GTF2H1: variants seen among roughly 807,000 people sequenced by gnomAD.
GTF2H1 encodes general transcription factor IIH subunit 1.
GTF2H1 carries 16 observed loss-of-function variants against 71.2 expected under a neutral mutation model. The observed-to-expected ratio is 0.22, with a 90% CI of 0.15 to 0.34. The LOEUF (loss-of-function observed/expected upper bound fraction) is 0.34, where lower values mean the gene tolerates loss of function less well. GTF2H1 is among the 10% of genes least tolerant of loss of function. The pLI, the probability that GTF2H1 is intolerant of heterozygous loss-of-function variation, is 1.00. For synonymous variants in GTF2H1, 215 were observed against 219.0 expected, an observed-to-expected ratio of 0.98 and a Z score of 0.16; for missense variants, 498 against 648.2, an observed-to-expected ratio of 0.77 and a Z score of 2.52.
In GTF2H1 at chr11:18,365,794, C is replaced by T; in HGVS notation, c.1572C>T (p.His524=). The change falls in exon 15 of 15, where the codon CAC becomes CAT. Residue 524 remains histidine (H), a synonymous_variant. Transcript: ENST00000265963. ...RQYLSTNLVS[H]IEEMLQTAYN... ...GCTGTGTTTTTCAGTTGGTAAGTCA[C>T]ATAGAAGAGATGCTCCAGACAGCCT... 6.2e-7 allele frequency: 1 copy of T among 1,612,550 alleles called. No individual in the cohort carries two copies. Among genetic ancestry groups the T allele is most frequent in the Non-Finnish European group, 8.5e-7 (1 of 1,178,640 alleles).
chr11:18,343,407 A>T (rs1865207779), intron 7 of GTF2H1, among the ~76,000 whole-genome samples: 1 of 152,198 alleles, frequency 6.6e-6, no homozygotes, highest in Non-Finnish European at 1.5e-5. Flanking sequence ...ATCAACATTT[A>T]TATAACCAAT....
rs968079717 is a variant in GTF2H1 at position 18,338,238 on chromosome 11, T to C, written c.477T>C (p.Asn159=). Reference sequence around the variant, plus strand: ...CAACAGATAGTTCTTCCACATCCAATCATAAGCAGGATGTTGGCATTTCTG... The same window carrying C: ...CAACAGATAGTTCTTCCACATCCAACCATAAGCAGGATGTTGGCATTTCTG... ...VNATDSSSTS[N]HKQDVGISAA... is the part of the protein sequence containing the mutation. Residue 159 remains asparagine (N), a synonymous_variant, in exon 4 of 15, where the codon AAT becomes AAC. Coordinates refer to ENST00000265963, the MANE Select transcript of GTF2H1 (RefSeq NM_005316.4). 1 of 1,610,122 alleles carries C rather than the reference T, an allele frequency of 6.2e-7. No individual in the cohort carries two copies. Among genetic ancestry groups the C allele is most frequent in the African/African-American group, 1.3e-5 (1 of 74,858 alleles).
chr11:18,331,535 A>T (rs1864897950), intron 1 of GTF2H1, among the ~76,000 whole-genome samples: 1 of 152,060 alleles, frequency 6.6e-6, no homozygotes, highest in Admixed American at 6.5e-5. Context: ...GCGTGGTGGC[A>T]CATGCCTGTA....
rs746522954 is a variant in GTF2H1 at position 18,360,603 on chromosome 11, C to T, written c.1468-12C>T. On this transcript the variant is annotated splice_polypyrimidine_tract_variant and intron_variant, in intron 13 of 14. Coordinates refer to ENST00000265963, the MANE Select transcript of GTF2H1 (RefSeq NM_005316.4). ...GATTTCTCTGTAATTTATTGTTTCT[C>T]ATCTTTTTTAGGTAGTGAAAATGAA... 1 of 1,299,788 alleles carries T rather than the reference C, an allele frequency of 7.7e-7. No individual in the cohort carries two copies. The highest frequency in any genetic ancestry group is 1.1e-6 in the Non-Finnish European group (1 of 930,916). 80.5% of individuals were successfully genotyped at this position (1,299,788 alleles called of 1,614,324 possible).
At chr11:18,338,406 ATTC>A in intron 4 of GTF2H1, 132 bp downstream of exon 4, 1 of 621,202 alleles carries the variant, frequency 1.6e-6, no homozygotes, top group Non-Finnish European at 2.9e-6. Flanking sequence ...TATCCATGGT[ATTC>A]TTCACTATTA....
At chr11:18,332,578 C>T (rs1263854375) in intron 1 of GTF2H1, 1 of 152,336 alleles carries the variant, frequency 6.6e-6, no homozygotes, top group Non-Finnish European at 1.5e-5. Flanking sequence ...TTTATTTATA[C>T]AGAAGAAACA....
chr11:18,350,085 G>GTA (rs1318416791), intron 9 of GTF2H1, among the ~76,000 whole-genome samples: 1 of 152,224 alleles, frequency 6.6e-6, no homozygotes, highest in African/African-American at 2.4e-5. Context: ...GGGGCTATCA[G>GTA]TATTCAGTGG....
chr11:18,364,801 T>C (rs1865780083), intron 14 of GTF2H1, among the ~76,000 whole-genome samples: 2 of 152,128 alleles, frequency 1.3e-5, no homozygotes, highest in Admixed American at 1.3e-4. Flanking sequence ...ACCCTAAAAA[T>C]AGCAAACTGT....
In GTF2H1 at chr11:18,366,207, A is replaced by C; in HGVS notation, c.*338A>C. 1 of 229,218 alleles carries C rather than the reference A, an allele frequency of 4.4e-6. No homozygotes were observed. The highest frequency in any genetic ancestry group is 8.4e-6 in the Non-Finnish European group (1 of 118,600). 14.2% of individuals were successfully genotyped at this position (229,218 alleles called of 1,614,324 possible). A position where few individuals can be genotyped will look rare whatever the true frequency, so the allele number is the denominator to read the frequency against. ...TGCTCAGGAACTGCTTTTGATTCAC[A>C]TTAAGCTGCTTTCAGAAATTAAAAA... On this transcript the variant is annotated 3_prime_UTR_variant, in exon 15 of 15. Coordinates refer to ENST00000265963, the MANE Select transcript of GTF2H1 (RefSeq NM_005316.4).
At chr11:18,344,918 A>T (rs1467476595) in intron 7 of GTF2H1, among the ~76,000 whole-genome samples, 1 of 151,572 alleles carries the variant, frequency 6.6e-6, no homozygotes. Flanking sequence ...TTCTAATGTC[A>T]TTTCTCGCCA....
At position 18,359,871 on chromosome 11, in the gene GTF2H1, G is replaced by A. The variant is rs111522222; in HGVS notation, c.1468-744G>A. Reference sequence around the variant, plus strand: ...GACTACAGGCATGAGCCACTAAACCGGGCACTTTGGGAGGCCAAGGCAGGC... The same window carrying A: ...GACTACAGGCATGAGCCACTAAACCAGGCACTTTGGGAGGCCAAGGCAGGC... On this transcript the variant is annotated intron_variant, in intron 13 of 14. Coordinates refer to ENST00000265963, the MANE Select transcript of GTF2H1 (RefSeq NM_005316.4). Among the ~76,000 whole-genome samples, 1,483 of 150,836 alleles carry A rather than the reference G, an allele frequency of 9.8e-3. 17 individuals are homozygous for A. Among genetic ancestry groups the A allele is most frequent in the African/African-American group, 0.034 (1,396 of 41,080 alleles).
chr11:18,345,796 G>GTTTTTTTTTT (rs1554955087), intron 7 of GTF2H1, among the ~76,000 whole-genome samples: 4 of 125,218 alleles, frequency 3.2e-5, no homozygotes, highest in Non-Finnish European at 4.9e-5. Context: ...GCACATATGA[G>GTTTTTTTTTT]TTTTTTTTTT....
At chr11:18,342,801 A>G (rs1865191352) in intron 7 of GTF2H1, among the ~76,000 whole-genome samples, 1 of 152,168 alleles carries the variant, frequency 6.6e-6, no homozygotes, top group African/African-American at 2.4e-5. Flanking sequence ...TCTTCTGTTT[A>G]GTATCAATAG....
chr11:18,366,847 C>T lies in GTF2H1; in HGVS notation c.*978C>T, dbSNP rs1159322754. ...TTCTCTAGTATTTGACTGTTACTGT[C>T]CTTGGCGAATCGATAATCATTGCAT... is the stretch of plus-strand genomic sequence containing the variant. On this transcript the variant is annotated 3_prime_UTR_variant, in exon 15 of 15. Coordinates refer to ENST00000265963, the MANE Select transcript of GTF2H1 (RefSeq NM_005316.4). 2 of 150,880 alleles carry T rather than the reference C, an allele frequency of 1.3e-5. No homozygotes were observed. Among genetic ancestry groups the T allele is most frequent in the Non-Finnish European group, 2.9e-5 (2 of 67,858 alleles). The allele number at this position is 150,880 out of a possible 1,614,324, so 9.3% of individuals were successfully genotyped here.
At chr11:18,350,063 C>T (rs1865390820) in intron 9 of GTF2H1, among the ~76,000 whole-genome samples, 1 of 152,166 alleles carries the variant, frequency 6.6e-6, no homozygotes, top group African/African-American at 2.4e-5. Flanking sequence ...CAAGTCAAAC[C>T]ATTGTAAGTC....
chr11:18,348,327 A>G, intron 9 of GTF2H1: 1 of 272,784 alleles, frequency 3.7e-6, no homozygotes. Context: ...AGCATTTCAG[A>G]GCTGAAAGTG....
chr11:18,330,028 G>C (rs1340875367), intron 1 of GTF2H1, among the ~76,000 whole-genome samples: 2 of 152,178 alleles, frequency 1.3e-5, no homozygotes, highest in African/African-American at 4.8e-5. Flanking sequence ...AATGTTCAAG[G>C]GTGACTGAAA....
chr11:18,323,670 A>C (rs1864643083), intron 1 of GTF2H1, among the ~76,000 whole-genome samples: 1 of 152,224 alleles, frequency 6.6e-6, no homozygotes, highest in Non-Finnish European at 1.5e-5. Flanking sequence ...AAAGGAGTGG[A>C]ACAATTTCTC....
intron 14 of GTF2H1, 100 bp downstream of exon 14, chr11:18,360,807 CTTTTTTT>C (rs370660216): frequency 3.9e-6 from 2 of 514,194 alleles, no homozygotes; most frequent in Non-Finnish European, 6.7e-6. Flanking sequence ...ACTTAATTTT[CTTTTTTT>C]TTTTTTTTTG....
Sources: gnomAD v4.1 joint callset for allele counts (sites outside exome capture counted in the v4.1 genomes callset) on GRCh38, gnomAD v4.1.1 for gene constraint, MANE v1.5 for transcripts, NCBI Gene and HGNC (gene_info 2026-07-23, HGNC 2026-07-21) for gene names.